SEC16A: variants seen among roughly 807,000 people sequenced by gnomAD.
The protein encoded by SEC16A is protein transport protein Sec16A.
In SEC16A, 110 loss-of-function variants were observed where a neutral mutation model predicts 221.9. The observed-to-expected ratio is 0.50, with a 90% CI of 0.42 to 0.58. The LOEUF is 0.58. Among genes scored for constraint, SEC16A ranks in the 20% least tolerant of loss-of-function variants. SEC16A has a pLI of 0.00. For synonymous variants in SEC16A, 1,393 were observed against 1,257.7 expected (o/e 1.11, Z -2.28); for missense variants, 3,165 against 3,097.8 (o/e 1.02, Z -0.52).
Position 136,454,333 on chromosome 9 carries a change from T to A in SEC16A, c.5858-6A>T. On this transcript the variant is annotated splice_region_variant and splice_polypyrimidine_tract_variant and intron_variant, in intron 20 of 31. Transcript: ENST00000684901. ...GTCAGGGAGCGTCTGCGGAGCTGCATGGGAACGGTGGAGAAGAGGTCTGGG... is the reference window on the plus strand; with the variant it reads ...GTCAGGGAGCGTCTGCGGAGCTGCAAGGGAACGGTGGAGAAGAGGTCTGGG... 1 of 1,564,436 alleles carries A rather than the reference T, an allele frequency of 6.4e-7. No homozygotes were observed. The highest frequency in any genetic ancestry group is 8.7e-7 in the Non-Finnish European group (1 of 1,154,706).
chr9:136,476,775 C>A lies in SEC16A; in HGVS notation c.841G>T (p.Asp281Tyr), dbSNP rs1477370515. ...CCACTTTGCAAGTGGCTCACCTCGTCTCTTCCGTCACTGGGCAAGGCTGCT... is the reference window on the plus strand; with the variant it reads ...CCACTTTGCAAGTGGCTCACCTCGTATCTTCCGTCACTGGGCAAGGCTGCT... The part of the protein sequence containing the change: ...PPAALPSDGR[D>Y]EVSHLQSGSH... The change falls in exon 3 of 32, where the codon GAC (aspartate) becomes TAC (tyrosine). Residue 281 changes from aspartate (D) to tyrosine (Y), a missense_variant. By Grantham distance (160) the Asp-to-Tyr change is radical (BLOSUM62 -3). Around this residue, in one of 3 missense-constraint regions of SEC16A, gnomAD observed 2,030 missense variants for 1,923.1 expected, o/e 1.06. Coordinates refer to ENST00000684901, the MANE Select transcript of SEC16A (RefSeq NM_014866.2). 6.2e-7 allele frequency: 1 copy of A among 1,611,310 alleles called. No individual in the cohort carries two copies. The highest frequency in any genetic ancestry group is 1.3e-5 in the African/African-American group (1 of 74,986).
rs1588873960 is a variant in SEC16A, at chr9:136,446,864, T to C, written c.6783A>G (p.Pro2261=). The change falls in exon 28 of 32, where the codon CCA becomes CCG. Residue 2261 remains proline, a synonymous_variant. Transcript: ENST00000684901. The stretch of plus-strand genomic sequence containing the variant: ...CACCGTACCCGCTCACCTTGGGCTC[T>C]GGGGCAGGCTCTGGATTGGCCAGGC... The part of the protein sequence containing the change: ...ARGLANPEPA[P]EPKVLSSAAS... 7 of 1,605,650 alleles carry C rather than the reference T, an allele frequency of 4.4e-6. No homozygotes were observed. In the East Asian group the frequency reaches 1.6e-4, roughly 36 times the overall value.
chr9:136,479,692 T>C (rs1842081595), intron 1 of SEC16A, among the ~76,000 whole-genome samples: 1 of 152,176 alleles, frequency 6.6e-6, no homozygotes. Flanking sequence ...TTTGGTCTCT[T>C]GGAAATCTTT....
chr9:136,465,942 C>T lies in SEC16A; in HGVS notation c.4303+20G>A. The T allele has an allele frequency of 1.2e-6, 2 of 1,606,640 alleles. No homozygotes were observed. The highest frequency in any genetic ancestry group is 1.7e-6 in the Non-Finnish European group (2 of 1,175,858). ...CCCAGTGGGGTTAGCCGGTATCCCT[C>T]TGTCCTGCTGAGCACACACCTTGCT... On this transcript the variant is annotated intron_variant, in intron 8 of 31. Transcript: ENST00000684901.
chr9:136,455,908 G>A, intron 19 of SEC16A, 115 bp from the exon 20 acceptor site: 1 of 1,233,356 alleles, frequency 8.1e-7, no homozygotes, highest in Non-Finnish European at 1.1e-6. Context: ...GGCACTCAAA[G>A]CCCTTTCTGG....
At chr9:136,442,453 G>A (rs1564446860) in intron 31 of SEC16A, among the ~76,000 whole-genome samples, 1 of 152,224 alleles carries the variant, frequency 6.6e-6, no homozygotes, top group Non-Finnish European at 1.5e-5. Context: ...AGTCAAGAGT[G>A]TGTGAGGCTG....
In SEC16A at chr9:136,454,152, C is replaced by T. The variant is rs1172837621; in HGVS notation, c.6033G>A (p.Gln2011=). 1.3e-6 allele frequency: 2 copies of T among 1,555,156 alleles called. No individual in the cohort carries two copies. Among genetic ancestry groups the T allele is most frequent in the Non-Finnish European group, 1.7e-6 (2 of 1,149,098 alleles). ...PGLPPGVPPL[Q]ERRHLLQEAR... is the part of the protein sequence containing the mutation. ...CTTCCTGGAGCAAGTGTCTCCTTTC[C>T]TGCAGAGGTGGCACACCAGGTGGGA... Residue 2011 remains glutamine, a synonymous_variant, in exon 21 of 32, where the codon CAG becomes CAA. Transcript: ENST00000684901.
rs1300464840 is a variant in SEC16A at position 136,459,403 on chromosome 9, G to T, written c.5303+41C>A. On this transcript the variant is annotated intron_variant, in intron 16 of 31. Coordinates refer to ENST00000684901, the MANE Select transcript of SEC16A (RefSeq NM_014866.2). This position sits in a 1 kb window ranked among gnomAD's most constrained non-coding sequence, Gnocchi z 6.1. ...AAGGAGAAGGATTTTGTTTTACTTT[G>T]AAAGGAAAACTTACAGGACTACACT... is the stretch of plus-strand genomic sequence containing the variant. 2.0e-6 allele frequency: 3 copies of T among 1,497,964 alleles called. No individual in the cohort carries two copies. Among genetic ancestry groups the T allele is most frequent in the Admixed American group, 4.1e-5 (2 of 49,264 alleles). 92.8% of individuals were successfully genotyped at this position (1,497,964 alleles called of 1,614,324 possible).
Position 136,447,325 on chromosome 9 carries a change from C to T in SEC16A, c.6599G>A (p.Ser2200Asn). The T allele has an allele frequency of 6.3e-7, 1 of 1,597,568 alleles. No individual in the cohort carries two copies. Among genetic ancestry groups the T allele is most frequent in the Non-Finnish European group, 8.5e-7 (1 of 1,172,940 alleles). ...AGCCGGCTCGCTCCGCTGGGTCCCG[C>T]TTGGGTTCAGGACGTCAACGTAGCG... The part of the protein sequence containing the change: ...RARYVDVLNP[S>N]GTQRSEPALA... The change falls in exon 27 of 32, where the codon AGC (serine) becomes AAC (asparagine). Residue 2200 changes from serine to asparagine, a missense_variant. By Grantham distance (46) the Ser-to-Asn change is conservative (BLOSUM62 1). Around this residue, in one of 3 missense-constraint regions of SEC16A, gnomAD observed 1,088 missense variants for 1,089.6 expected, o/e 1.00. Transcript: ENST00000684901. The surrounding 1 kb of genome is among the most constrained non-coding windows in gnomAD (Gnocchi z 5.5).
At chr9:136,468,639 A>G (rs1840461865) in intron 4 of SEC16A, 127 bp from the exon 5 acceptor site, 3 of 612,844 alleles carry the variant, frequency 4.9e-6, no homozygotes, top group Non-Finnish European at 8.7e-6. Flanking sequence ...AAAAATTCCA[A>G]TTAGAAGATT....
rs371196696 is a variant in SEC16A, at chr9:136,474,583, C to A, written c.3033G>T (p.Pro1011=). 6 of 1,612,718 alleles carry A rather than the reference C, an allele frequency of 3.7e-6. No homozygotes were observed. The highest frequency in any genetic ancestry group is 1.3e-5 in the African/African-American group (1 of 74,916). Residue 1011 remains proline, a synonymous_variant, in exon 3 of 32, where the codon CCG becomes CCT. Transcript: ENST00000684901. The part of the protein sequence containing the change: ...TLENPVNVYN[P]SHSDSLASQQ... ...GAGAAGCGAGGCTGTCAGAATGGGA[C>A]GGGTTGTACACGTTTACAGGATTTT...
rs747511937 is a variant in SEC16A, at chr9:136,467,103, G to T, written c.3803-20C>A. ...CTGGATCTGTGAGCAAGGAATTAAT[G>T]ATTAATACAGTAACATGCAAAAGAA... On this transcript the variant is annotated intron_variant, in intron 5 of 31. Transcript: ENST00000684901. 13 of 1,611,108 alleles carry T rather than the reference G, an allele frequency of 8.1e-6. No homozygotes were observed. The highest frequency in any genetic ancestry group is 1.0e-5 in the Non-Finnish European group (12 of 1,178,498).
intron 11 of SEC16A, 52 bp from the exon 12 acceptor site, chr9:136,463,184 C>A: frequency 6.3e-7 from 1 of 1,590,370 alleles, no homozygotes. Context: ...CAGGTGAGGA[C>A]GCGTTGGACC....
In SEC16A at chr9:136,476,968, C is replaced by T; in HGVS notation, c.648G>A (p.Gly216=). ...AGGGCTGTGGGCCTCCCTGCACTGG[C>T]CCCCACTGTCCTGGCATCTGCAGAC... ...QPGLQMPGQW[G]PVQGGPQPSG... is the part of the protein sequence containing the mutation. The change falls in exon 3 of 32, where the codon GGG becomes GGA. Residue 216 remains glycine (G), a synonymous_variant. Coordinates refer to ENST00000684901, the MANE Select transcript of SEC16A (RefSeq NM_014866.2). 3 of 1,612,960 alleles carry T rather than the reference C, an allele frequency of 1.9e-6. No individual in the cohort carries two copies. Among genetic ancestry groups the T allele is most frequent in the Non-Finnish European group, 2.5e-6 (3 of 1,179,780 alleles).
intron 31 of SEC16A, 44 bp from the exon 32 acceptor site, chr9:136,441,867 G>T (rs745425610): frequency 5.1e-6 from 8 of 1,560,750 alleles, no homozygotes; most frequent in African/African-American, 2.7e-5. Context: ...CCTGCCCCCA[G>T]GGTGAGCAGT....
At chr9:136,460,706 G>A (rs1265852055) in intron 13 of SEC16A, among the ~76,000 whole-genome samples, 1 of 151,804 alleles carries the variant, frequency 6.6e-6, no homozygotes, top group Non-Finnish European at 1.5e-5. Context: ...GAGGCTAGGA[G>A]TTTTGAGACC....
Position 136,440,516 on chromosome 9 carries a change from AT to A in SEC16A, c.*1238del, listed in dbSNP as rs1836074676. 1 of 152,710 alleles carries A rather than the reference AT, an allele frequency of 6.5e-6. No homozygotes were observed. The highest frequency in any genetic ancestry group is 2.4e-5 in the African/African-American group (1 of 41,464). The allele number at this position is 152,710 out of a possible 1,614,324, so 9.5% of individuals were successfully genotyped here. On this transcript the variant is annotated 3_prime_UTR_variant, in exon 32 of 32. Transcript: ENST00000684901. ...TATTCCTCCAGCAGAACCTACAGAA[AT>A]TATCTACTGATTTTTATTAGTATTT...
intron 30 of SEC16A, among the ~76,000 whole-genome samples, chr9:136,444,738 C>T (rs1836699502): frequency 1.3e-5 from 2 of 151,910 alleles, no homozygotes; most frequent in Admixed American, 6.6e-5. Flanking sequence ...ATTAGCTGGG[C>T]GTGGTGGCTC....
intron 5 of SEC16A, among the ~76,000 whole-genome samples, chr9:136,467,960 G>A (rs572588291): frequency 1.7e-3 from 252 of 152,336 alleles, no homozygotes; most frequent in African/African-American, 5.2e-3. Context: ...GTCGCTGCCC[G>A]GTGGGGTGGC....
Sources: gnomAD v4.1 joint callset for allele counts (sites outside exome capture counted in the v4.1 genomes callset) on GRCh38, gnomAD v4.1.1 for gene constraint, gnomAD v4.1.1 regional missense constraint, Gnocchi (gnomAD v3.1) non-coding constraint, MANE v1.5 for transcripts, NCBI Gene and HGNC (gene_info 2026-07-23, HGNC 2026-07-21) for gene names.